GABRB1: variants seen among roughly 807,000 people sequenced by gnomAD.
GABRB1 encodes gamma-aminobutyric acid type A receptor subunit beta1.
In GABRB1, 17 loss-of-function variants were observed where a neutral mutation model predicts 51.6. The ratio of observed to expected loss-of-function variants is 0.33; its 90% CI spans 0.23 to 0.49. GABRB1 has a LOEUF of 0.49. GABRB1 is among the 20% of genes least tolerant of loss of function. The pLI, the probability that GABRB1 is intolerant of heterozygous loss-of-function variation, is 0.99. For synonymous variants in GABRB1, 247 were observed against 218.9 expected (o/e 1.13, Z -1.14); for missense variants, 410 against 600.6 (o/e 0.68, Z 3.32).
chr4:47,247,819 T>G (rs533975763), intron 4 of GABRB1, among the ~76,000 whole-genome samples: 5 of 152,240 alleles, frequency 3.3e-5, no homozygotes, highest in African/African-American at 1.2e-4. Context: ...ATTCTCTGCT[T>G]GGTCGTTGTT....
At chr4:47,027,295 C>G (rs1313706329), upstream of GABRB1, among the ~76,000 whole-genome samples, 5 of 150,552 alleles carry the variant, frequency 3.3e-5, no homozygotes, top group Non-Finnish European at 4.5e-5. Context: ...GAAGACATTC[C>G]AAAAAGAATA....
chr4:47,044,234 G>T (rs374123463), intron 3 of GABRB1, among the ~76,000 whole-genome samples: 1 of 152,004 alleles, frequency 6.6e-6, no homozygotes, highest in Non-Finnish European at 1.5e-5. Context: ...GCAAGATGAC[G>T]TTAATATTTT....
chr4:47,305,893 AGATATTTTGG>A (rs1174739622), intron 4 of GABRB1, among the ~76,000 whole-genome samples: 2 of 152,116 alleles, frequency 1.3e-5, no homozygotes, highest in African/African-American at 2.4e-5. Flanking sequence ...GTGTAAGTGG[AGATATTTTGG>A]GATATTTTGG....
chr4:47,396,934 C>T (rs1728196866), intron 5 of GABRB1, among the ~76,000 whole-genome samples: 1 of 152,062 alleles, frequency 6.6e-6, no homozygotes, highest in South Asian at 2.1e-4. Flanking sequence ...TGAGTTTAGG[C>T]ATTTTTATTT....
At chr4:47,353,092 C>T (rs967371722) in intron 5 of GABRB1, among the ~76,000 whole-genome samples, 8 of 152,150 alleles carry the variant, frequency 5.3e-5, no homozygotes, top group Non-Finnish European at 1.0e-4. Flanking sequence ...GCAGAAACCT[C>T]TGATAAAACC....
chr4:47,032,017 T>A lies in GABRB1; in HGVS notation c.172+12T>A, dbSNP rs749940839. 13 of 1,601,980 alleles carry A rather than the reference T, an allele frequency of 8.1e-6. No individual in the cohort carries two copies. The highest frequency in any genetic ancestry group is 3.3e-5 in the South Asian group (3 of 90,806). On this transcript the variant is annotated intron_variant, in intron 2 of 8. Coordinates refer to ENST00000295454, the MANE Select transcript of GABRB1 (RefSeq NM_000812.4). ...GCCGGACTTCGGAGGTAACGCTTCA[T>A]CTTTTTTCAACCTGTAACCCATCCT...
intron 3 of GABRB1, chr4:47,032,787 C>G (rs1166303891): frequency 1.7e-6 from 1 of 589,352 alleles, no homozygotes; most frequent in South Asian, 1.5e-5. Context: ...GGTTTCCCTG[C>G]GTGTTTGGAT....
At chr4:47,114,818 G>A (rs930520399) in intron 3 of GABRB1, among the ~76,000 whole-genome samples, 3 of 152,160 alleles carry the variant, frequency 2.0e-5, no homozygotes, top group Non-Finnish European at 4.4e-5. Flanking sequence ...CAAGAGCACA[G>A]GAAGACAGAA....
At chr4:47,093,628 T>C (rs1714246901) in intron 3 of GABRB1, among the ~76,000 whole-genome samples, 1 of 152,202 alleles carries the variant, frequency 6.6e-6, no homozygotes, top group Non-Finnish European at 1.5e-5. Flanking sequence ...TACTACTTAA[T>C]CGAAATAGCA....
intron 3 of GABRB1, among the ~76,000 whole-genome samples, chr4:47,091,172 T>G (rs1311816970): frequency 6.6e-6 from 1 of 152,016 alleles, no homozygotes; most frequent in African/African-American, 2.4e-5. Flanking sequence ...CTAAACATCG[T>G]ACACAGGACA....
chr4:47,325,834 T>C (rs1176902748), intron 5 of GABRB1, among the ~76,000 whole-genome samples: 1 of 152,284 alleles, frequency 6.6e-6, no homozygotes, highest in East Asian at 1.9e-4. Flanking sequence ...AGTTTCCCAT[T>C]GCTATTGTCT....
chr4:47,273,399 A>C (rs919523275), intron 4 of GABRB1, among the ~76,000 whole-genome samples: 1 of 152,206 alleles, frequency 6.6e-6, no homozygotes, highest in African/African-American at 2.4e-5. Flanking sequence ...ATTTCCTGCC[A>C]ATCTTGTGTG....
chr4:47,312,190 G>A (rs11731871), intron 4 of GABRB1, among the ~76,000 whole-genome samples: 87,289 of 151,738 alleles, frequency 0.58, 25,196 homozygotes, highest in East Asian at 0.7. Context: ...GTTCTTTAAA[G>A]TTTTTTACTA....
chr4:47,003,060 ACTC>A (rs891129152), intron 1 of GABRB1, among the ~76,000 whole-genome samples: 14 of 144,390 alleles, frequency 9.7e-5, no homozygotes. Context: ...CTCCCAAATC[ACTC>A]CTATTTGCTT....
At chr4:47,255,103 T>G (rs1178185736) in intron 4 of GABRB1, among the ~76,000 whole-genome samples, 1 of 152,218 alleles carries the variant, frequency 6.6e-6, no homozygotes, top group Non-Finnish European at 1.5e-5. Flanking sequence ...GATAATATCA[T>G]GTTTGAGTAC....
intron 3 of GABRB1, among the ~76,000 whole-genome samples, chr4:47,109,845 T>G (rs990489193): frequency 1.3e-5 from 2 of 152,132 alleles, no homozygotes; most frequent in South Asian, 2.1e-4. Context: ...TCTCAAGAAT[T>G]AAACCAGAAC....
At chr4:47,252,800 G>A (rs1722044981) in intron 4 of GABRB1, among the ~76,000 whole-genome samples, 1 of 152,058 alleles carries the variant, frequency 6.6e-6, no homozygotes, top group Non-Finnish European at 1.5e-5. Flanking sequence ...TTACAGGCAT[G>A]AGCCACCATG....
intron 3 of GABRB1, among the ~76,000 whole-genome samples, chr4:47,048,896 C>T (rs1301609230): frequency 6.6e-6 from 1 of 151,960 alleles, no homozygotes; most frequent in Non-Finnish European, 1.5e-5. Context: ...TATTATTTCT[C>T]TAAATGAATG....
chr4:47,244,509 G>A (rs1317789601), intron 4 of GABRB1, among the ~76,000 whole-genome samples: 2 of 152,052 alleles, frequency 1.3e-5, no homozygotes, highest in Non-Finnish European at 2.9e-5. Context: ...AATCCATCTG[G>A]TCCTGGACTT....
Sources: gnomAD v4.1 joint callset for allele counts (sites outside exome capture counted in the v4.1 genomes callset) on GRCh38, gnomAD v4.1.1 for gene constraint, MANE v1.5 for transcripts, NCBI Gene and HGNC (gene_info 2026-07-23, HGNC 2026-07-21) for gene names.